The following COTL1 variants were observed in gnomAD, a reference collection of about 807,000 sequenced individuals.
COTL1 encodes the protein coactosin-like protein.
COTL1 carries 15 observed loss-of-function variants against 16.5 expected under a neutral mutation model. The observed-to-expected ratio is 0.91, with a 90% CI of 0.61 to 1.40. The LOEUF (loss-of-function observed/expected upper bound fraction) is 1.40, where lower values mean the gene tolerates loss of function less well. Ranked by LOEUF, COTL1 falls within the 40% of genes most tolerant of loss-of-function variation. COTL1 has a pLI of 0.00. For missense variants in COTL1, 220 were observed against 201.5 expected, an observed-to-expected ratio of 1.09 and a Z score of -0.56; for synonymous variants, 112 against 85.3, an observed-to-expected ratio of 1.31 and a Z score of -1.73.
chr16:84,609,302 G>A (rs1428890246), intron 2 of COTL1, among the ~76,000 whole-genome samples: 1 of 152,138 alleles, frequency 6.6e-6, no homozygotes, highest in Non-Finnish European at 1.5e-5. Flanking sequence ...TTTTCCGTAG[G>A]AACCACCTCT....
chr16:84,614,039 G>A (rs1478925114), intron 2 of COTL1, among the ~76,000 whole-genome samples: 1 of 152,214 alleles, frequency 6.6e-6, no homozygotes, highest in Non-Finnish European at 1.5e-5. Flanking sequence ...GGAGGTGAAG[G>A]ATGAAGACAG....
rs534020013 is a variant in COTL1, at chr16:84,614,189, C to T, written c.160+3312G>A. Among the ~76,000 whole-genome samples, 5 of 152,336 alleles carry T rather than the reference C, an allele frequency of 3.3e-5. No homozygotes were observed. The South Asian group carries it at 1.0e-3, about 32-fold the overall frequency. ...TGCACTGGGCATTTCTCACCGCCCT[C>T]GCAAGGTCTCTGACCATCCCAGGCG... On this transcript the variant is annotated intron_variant, in intron 2 of 3. Coordinates refer to ENST00000262428, the MANE Select transcript of COTL1 (RefSeq NM_021149.5).
chr16:84,606,976 C>T (rs923186232), intron 2 of COTL1, among the ~76,000 whole-genome samples: 1 of 152,138 alleles, frequency 6.6e-6, no homozygotes, highest in African/African-American at 2.4e-5. Flanking sequence ...CTGGGAAAAG[C>T]CTATGACCCA....
intron 2 of COTL1, among the ~76,000 whole-genome samples, chr16:84,591,371 G>A (rs987581041): frequency 6.6e-6 from 1 of 151,518 alleles, no homozygotes; most frequent in Non-Finnish European, 1.5e-5. Flanking sequence ...TTTTAGTAGA[G>A]ATGGGGTTTC....
chr16:84,594,581 G>A (rs1315078753), intron 2 of COTL1: 1 of 152,206 alleles, frequency 6.6e-6, no homozygotes, highest in Non-Finnish European at 1.5e-5. Context: ...GGGGAGGAGG[G>A]GCTGAACATC....
intron 2 of COTL1, among the ~76,000 whole-genome samples, chr16:84,601,661 G>T (rs1452294204): frequency 6.6e-6 from 1 of 152,106 alleles, no homozygotes; most frequent in Non-Finnish European, 1.5e-5. Context: ...TCACCATGTT[G>T]GCCAGGCTGG....
intron 3 of COTL1, among the ~76,000 whole-genome samples, chr16:84,569,303 A>G (rs1904312207): frequency 6.6e-6 from 1 of 152,228 alleles, no homozygotes; most frequent in Non-Finnish European, 1.5e-5. Flanking sequence ...CCTGGGCGAC[A>G]GGGTGAGATC....
intron 2 of COTL1, among the ~76,000 whole-genome samples, chr16:84,600,656 C>T (rs1406907987): frequency 2.0e-5 from 3 of 152,174 alleles, no homozygotes; most frequent in Non-Finnish European, 2.9e-5. Context: ...TGGGTATCTG[C>T]GTGTAGGCAC....
intron 3 of COTL1, among the ~76,000 whole-genome samples, chr16:84,572,876 C>A (rs564375447): frequency 1.3e-5 from 2 of 152,024 alleles, no homozygotes; most frequent in South Asian, 4.1e-4. Context: ...CCTCAGCCAC[C>A]GAAGTAGCCG....
At chr16:84,581,167 A>ATATGTATGTATGTATGTATG (rs1320584066) in intron 3 of COTL1, among the ~76,000 whole-genome samples, 1 of 148,712 alleles carries the variant, frequency 6.7e-6, no homozygotes, top group African/African-American at 2.5e-5. Context: ...ACAAATAAAT[A>ATATGTATGTATGTATGTATG]TATGTATGTA....
intron 2 of COTL1, among the ~76,000 whole-genome samples, chr16:84,593,365 A>T (rs1420874905): frequency 1.3e-5 from 2 of 152,254 alleles, no homozygotes; most frequent in African/African-American, 4.8e-5. Context: ...TCCAGGGCAC[A>T]GGAGACCCCG....
chr16:84,614,137 A>G (rs1412981993), intron 2 of COTL1, among the ~76,000 whole-genome samples: 2 of 152,240 alleles, frequency 1.3e-5, no homozygotes, highest in East Asian at 3.8e-4. Context: ...GCTAGAGGCC[A>G]CAGTGGATTT....
In COTL1 at chr16:84,588,427, C is replaced by G. The variant is rs1904784518; in HGVS notation, c.318+1678G>C. Among the ~76,000 whole-genome samples the G allele has an allele frequency of 2.0e-5, 3 of 152,148 alleles. No individual in the cohort carries two copies. The South Asian group carries it at 6.2e-4, about 31-fold the overall frequency. ...ACATTACAATTAATTAAACTCCCGA[C>G]TTTATTTATATTTCAACAGCTTTTC... On this transcript the variant is annotated intron_variant, in intron 3 of 3. Transcript: ENST00000262428.
chr16:84,573,421 G>C (rs1268471856), intron 3 of COTL1, among the ~76,000 whole-genome samples: 1 of 152,206 alleles, frequency 6.6e-6, no homozygotes, highest in African/African-American at 2.4e-5. Flanking sequence ...TCCGACAGGG[G>C]TGGACATCTG....
chr16:84,598,827 G>A (rs1905058280), intron 2 of COTL1, among the ~76,000 whole-genome samples: 1 of 149,966 alleles, frequency 6.7e-6, no homozygotes, highest in Non-Finnish European at 1.5e-5. Flanking sequence ...GCAGGGGTGG[G>A]GGGGAGCAAG....
chr16:84,605,981 C>T (rs1330993369), intron 2 of COTL1, among the ~76,000 whole-genome samples: 2 of 152,162 alleles, frequency 1.3e-5, no homozygotes, highest in Non-Finnish European at 2.9e-5. Flanking sequence ...ACCTAAGTAC[C>T]TAGAAGACAA....
At chr16:84,615,058 G>A (rs947406729) in intron 2 of COTL1, among the ~76,000 whole-genome samples, 3 of 152,346 alleles carry the variant, frequency 2.0e-5, no homozygotes, top group South Asian at 2.1e-4. Context: ...CACGTCGAGC[G>A]TGGTGACTGC....
chr16:84,613,483 G>A (rs1004006647), intron 2 of COTL1, among the ~76,000 whole-genome samples: 23 of 152,154 alleles, frequency 1.5e-4, no homozygotes, highest in African/African-American at 5.1e-4. Flanking sequence ...AGATGTGTGA[G>A]GGAGGGTGTG....
At chr16:84,616,625 G>A (rs1038241129) in intron 2 of COTL1, 2 of 152,280 alleles carry the variant, frequency 1.3e-5, no homozygotes, top group African/African-American at 2.4e-5. Flanking sequence ...AAAGACCAGA[G>A]ATGGGAGGGA....
Sources: allele counts gnomAD v4.1 joint callset (sites outside exome capture counted in the v4.1 genomes callset), GRCh38; gene constraint gnomAD v4.1.1; transcripts MANE v1.5; gene names NCBI Gene and HGNC (gene_info 2026-07-23, HGNC 2026-07-21).